PLXNA1: variants seen among roughly 807,000 people sequenced by gnomAD.
PLXNA1 encodes plexin A1, also known as plexin-A1.
Under a neutral mutation model 191.7 loss-of-function variants are expected in PLXNA1, and 77 were observed. That is an observed-to-expected ratio of 0.40 (90% CI 0.33 to 0.49). PLXNA1 has a LOEUF of 0.49. Ranked by LOEUF, PLXNA1 falls within the 20% of genes least tolerant of loss-of-function variation. The pLI is 0.63. For synonymous variants in PLXNA1, 1,137 were observed against 1,156.4 expected (o/e 0.98, Z 0.34); for missense variants, 2,110 against 2,660.2 (o/e 0.79, Z 4.55).
intron 23 of PLXNA1, among the ~76,000 whole-genome samples, chr3:127,023,198 G>A (rs953657104): frequency 3.4e-4 from 52 of 152,296 alleles, no homozygotes; most frequent in Middle Eastern, 3.4e-3. Flanking sequence ...ACAGGTGACC[G>A]CACTGGGCTT....
intron 16 of PLXNA1, 50 bp from the exon 17 acceptor site, chr3:127,016,894 A>C: frequency 2.7e-6 from 4 of 1,502,936 alleles, no homozygotes; most frequent in Non-Finnish European, 3.7e-6. Context: ...TTTCCAGCTC[A>C]CTGGGCCCCA....
At chr3:126,985,912 C>T (rs959812353) in intron 1 of PLXNA1, among the ~76,000 whole-genome samples, 16 of 152,186 alleles carry the variant, frequency 1.1e-4, no homozygotes, top group Non-Finnish European at 2.4e-4. Flanking sequence ...GCCCTAGGCT[C>T]GGGGCTCCCC....
At chr3:127,029,741 CTG>C (rs1013751269) in intron 27 of PLXNA1, 131 bp from the exon 28 acceptor site, 2 of 1,160,236 alleles carry the variant, frequency 1.7e-6, no homozygotes, top group African/African-American at 3.1e-5. Flanking sequence ...TATGCCACCT[CTG>C]TGGTGTCATC....
chr3:127,002,251 G>A (rs2107625957), intron 3 of PLXNA1, among the ~76,000 whole-genome samples: 1 of 152,376 alleles, frequency 6.6e-6, no homozygotes, highest in East Asian at 1.9e-4. Context: ...TCCGGGTCTG[G>A]TTTGACTTAA....
In PLXNA1 at chr3:127,014,800, G is replaced by A. The variant is rs1395349765; in HGVS notation, c.2846G>A (p.Arg949His). 10 of 1,612,622 alleles carry A rather than the reference G, an allele frequency of 6.2e-6. No homozygotes were observed. Among genetic ancestry groups the A allele is most frequent in the South Asian group, 3.3e-5 (3 of 91,040 alleles). ...VCVRDCSPHY[R>H]ALSPKRFTFV... ...GTGCGGGACTGCTCACCACACTACC[G>A]CGCCCTGTCACCCAAGCGCTTCACC... The change falls in exon 14 of 32, where the codon CGC becomes CAC. Residue 949 changes from arginine (R) to histidine (H), a missense_variant. Physicochemically the swap from Arg to His is conservative, Grantham distance 29 (BLOSUM62 0). Around this residue, in one of 4 missense-constraint regions of PLXNA1, gnomAD observed 644 missense variants for 714.3 expected, o/e 0.90. Coordinates refer to ENST00000393409, the MANE Select transcript of PLXNA1 (RefSeq NM_032242.4).
At position 127,022,116 on chromosome 3, in the gene PLXNA1, T is replaced by C; in HGVS notation, c.4070T>C (p.Leu1357Pro). 6.2e-7 allele frequency: 1 copy of C among 1,613,128 alleles called. No homozygotes were observed. The highest frequency in any genetic ancestry group is 8.5e-7 in the Non-Finnish European group (1 of 1,179,974). ...VQANVEKSLT[L>P]FGQLLTKKHF... ...GCCAATGTGGAGAAGTCGCTGACAC[T>C]GTTCGGGCAGCTGCTGACCAAGAAG... is the stretch of plus-strand genomic sequence containing the variant. Residue 1357 changes from leucine (L) to proline (P), a missense_variant, in exon 22 of 32, where the codon CTG (leucine) becomes CCG (proline). Leu to Pro is a moderately conservative substitution (Grantham distance 98). Coordinates refer to ENST00000393409, the MANE Select transcript of PLXNA1 (RefSeq NM_032242.4).
intron 1 of PLXNA1, among the ~76,000 whole-genome samples, chr3:126,985,143 G>A (rs2078952066): frequency 6.6e-6 from 1 of 152,172 alleles, no homozygotes; most frequent in Admixed American, 6.5e-5. Flanking sequence ...CTTGTGGGGA[G>A]GGCTTTGGGG....
At position 127,034,093 on chromosome 3, in the gene PLXNA1, C is replaced by G; in HGVS notation, c.*76C>G. The G allele has an allele frequency of 7.6e-7, 1 of 1,316,172 alleles. No homozygotes were observed. 81.5% of individuals were successfully genotyped at this position (1,316,172 alleles called of 1,614,324 possible). A position where few individuals can be genotyped will look rare whatever the true frequency, so the allele number is the denominator to read the frequency against. ...GGACCGGGACAGCCCTCACCGCATG[C>G]GTGTGGAGTGTCCGGTGGTGCTCGG... On this transcript the variant is annotated 3_prime_UTR_variant, in exon 32 of 32. Coordinates refer to ENST00000393409, the MANE Select transcript of PLXNA1 (RefSeq NM_032242.4).
intron 23 of PLXNA1, among the ~76,000 whole-genome samples, chr3:127,024,204 C>T (rs2107636104): frequency 6.6e-6 from 1 of 152,286 alleles, no homozygotes; most frequent in African/African-American, 2.4e-5. Context: ...ATTCTCCACA[C>T]CCACAGAGAC....
At chr3:127,025,165 C>T (rs935691571) in intron 23 of PLXNA1, among the ~76,000 whole-genome samples, 1 of 152,120 alleles carries the variant, frequency 6.6e-6, no homozygotes, top group Non-Finnish European at 1.5e-5. Flanking sequence ...CATGTATCCA[C>T]CGTTATAGTG....
At position 127,014,182 on chromosome 3, in the gene PLXNA1, C is replaced by T. The variant is rs749131665; in HGVS notation, c.2411C>T (p.Ala804Val). ...GAGCTGACCGCACCCCTCCCCACAG[C>T]GCACCTCTACAAGTGCCCGGCCCTG... ...FVIDNPQNIQ[A>V]HLYKCPALRE... The change falls in exon 12 of 32, where the codon GCG becomes GTG. Residue 804 changes from alanine to valine, a missense_variant and splice_region_variant. Coordinates refer to ENST00000393409, the MANE Select transcript of PLXNA1 (RefSeq NM_032242.4). 3.7e-5 allele frequency: 59 copies of T among 1,610,854 alleles called. No individual in the cohort carries two copies. Among genetic ancestry groups the T allele is most frequent in the Non-Finnish European group, 4.7e-5 (55 of 1,178,544 alleles).
In PLXNA1 at chr3:126,986,341, C is replaced by T. The variant is rs547743937; in HGVS notation, c.-73-2180C>T. ...CCCCTGCTGTTCTTGGGGCGCTGTC[C>T]GGCAAAGGCAGCTGGCAGCCTGCTA... On this transcript the variant is annotated intron_variant, in intron 1 of 31. Transcript: ENST00000393409. Among the ~76,000 whole-genome samples the T allele has an allele frequency of 1.5e-4, 23 of 152,306 alleles. No individual in the cohort carries two copies. In the East Asian group the frequency reaches 3.9e-3, roughly 26 times the overall value.
At chr3:127,017,122 C>T (rs868131489) in intron 17 of PLXNA1, 85 bp downstream of exon 17, 16 of 1,257,312 alleles carry the variant, frequency 1.3e-5, no homozygotes, top group South Asian at 1.3e-4. Context: ...TGTCCCTGCC[C>T]CTGCCCCTAC....
chr3:127,007,680 G>C, intron 8 of PLXNA1, 119 bp from the exon 9 acceptor site: 1 of 651,650 alleles, frequency 1.5e-6, no homozygotes, highest in Non-Finnish European at 2.7e-6. Context: ...AGCAGTCAGT[G>C]CCAAGACCCT....
At position 127,006,624 on chromosome 3, in the gene PLXNA1, G is replaced by C. The variant is rs186118059; in HGVS notation, c.1997+446G>C. Reference sequence around the variant, plus strand: ...GAGCTGCGGGCTGGTTTGGGGGCCTGAGCAGGGGCCCAGACACGGCCCCTG... The same window carrying C: ...GAGCTGCGGGCTGGTTTGGGGGCCTCAGCAGGGGCCCAGACACGGCCCCTG... On this transcript the variant is annotated intron_variant, in intron 8 of 31. Coordinates refer to ENST00000393409, the MANE Select transcript of PLXNA1 (RefSeq NM_032242.4). 1.4e-4 allele frequency among the ~76,000 whole-genome samples: 22 copies of C among 152,304 alleles called. No individual in the cohort carries two copies. The East Asian group carries it at 3.7e-3, about 25-fold the overall frequency.
chr3:127,009,922 T>G (rs1197499131), intron 9 of PLXNA1, among the ~76,000 whole-genome samples: 2 of 152,190 alleles, frequency 1.3e-5, no homozygotes, highest in East Asian at 3.9e-4. Context: ...GGACTTTCTC[T>G]TAGAAATGCC....
At position 127,017,567 on chromosome 3, in the gene PLXNA1, A is replaced by G. The variant is rs746257721; in HGVS notation, c.3419A>G (p.Asn1140Ser). ...MDNVRSLLVL[N>S]STSFLYYPDP... ...AACGTGCGCTCCCTGCTTGTGCTCAACTCCACCTCCTTCCTCTACTACCCT... is the reference window on the plus strand; with the variant it reads ...AACGTGCGCTCCCTGCTTGTGCTCAGCTCCACCTCCTTCCTCTACTACCCT... The change falls in exon 18 of 32, where the codon AAC becomes AGC. Residue 1140 changes from asparagine (N) to serine (S), a missense_variant. By Grantham distance (46) the Asn-to-Ser change is conservative. Around this residue, in one of 4 missense-constraint regions of PLXNA1, gnomAD observed 644 missense variants for 714.3 expected, o/e 0.90. Coordinates refer to ENST00000393409, the MANE Select transcript of PLXNA1 (RefSeq NM_032242.4). 13 of 1,612,864 alleles carry G rather than the reference A, an allele frequency of 8.1e-6. No individual in the cohort carries two copies. The highest frequency in any genetic ancestry group is 2.2e-5 in the East Asian group (1 of 44,818).
rs1272003917 is a variant in PLXNA1 at position 126,989,506 on chromosome 3, G to A, written c.913G>A (p.Ala305Thr). Residue 305 changes from alanine (A) to threonine (T), a missense_variant, in exon 2 of 32, where the codon GCG (alanine) becomes ACG (threonine). Ala to Thr is a moderately conservative substitution (Grantham distance 58, BLOSUM62 0). Coordinates refer to ENST00000393409, the MANE Select transcript of PLXNA1 (RefSeq NM_032242.4). ...TGAGTTCCCCATTGGCTGCGAGCAG[G>A]CGGGTGTGGAGTACCGCCTGGTGCA... ...YVEFPIGCEQ[A>T]GVEYRLVQDA... is the part of the protein sequence containing the mutation. 1 of 1,613,526 alleles carries A rather than the reference G, an allele frequency of 6.2e-7. No homozygotes were observed. Among genetic ancestry groups the A allele is most frequent in the African/African-American group, 1.3e-5 (1 of 75,070 alleles).
At chr3:127,021,131 G>A (rs1191893950) in intron 21 of PLXNA1, among the ~76,000 whole-genome samples, 1 of 152,154 alleles carries the variant, frequency 6.6e-6, no homozygotes, top group East Asian at 1.9e-4. Flanking sequence ...TCTGTTGGTG[G>A]GAAGTCCCTT....
Sources: allele counts gnomAD v4.1 joint callset (sites outside exome capture counted in the v4.1 genomes callset), GRCh38; gene constraint gnomAD v4.1.1; regional missense constraint gnomAD v4.1.1; transcripts MANE v1.5; gene names NCBI Gene and HGNC (gene_info 2026-07-23, HGNC 2026-07-21).